Variants in SYT4 observed in about 807,000 individuals in gnomAD.
The protein encoded by SYT4 is synaptotagmin 4.
Under a neutral mutation model 32.9 loss-of-function variants are expected in SYT4, and 7 were observed. The observed-to-expected ratio is 0.21, with a 90% CI of 0.12 to 0.40. The LOEUF (loss-of-function observed/expected upper bound fraction) is 0.40, where lower values mean the gene tolerates loss of function less well. Ranked by LOEUF, SYT4 falls within the 10% of genes least tolerant of loss-of-function variation. The pLI is 1.00. For missense variants in SYT4, 480 were observed against 488.0 expected, an observed-to-expected ratio of 0.98 and a Z score of 0.16; for synonymous variants, 205 against 186.2, an observed-to-expected ratio of 1.10 and a Z score of -0.82.
At chr18:43,274,472 G>T in intron 1 of SYT4, 78 bp from the exon 2 acceptor site, 1 of 1,110,474 alleles carries the variant, frequency 9.0e-7, no homozygotes, top group Non-Finnish European at 1.3e-6. Context: ...GCCTAATAGA[G>T]CTAGCAATTG....
intron 1 of SYT4, among the ~76,000 whole-genome samples, chr18:43,275,882 A>C (rs1007516657): frequency 2.0e-5 from 3 of 146,890 alleles, no homozygotes; most frequent in African/African-American, 4.9e-5. Context: ...CCTTCTATTC[A>C]AGTCTTTGTG....
chr18:43,270,398 C>A lies in SYT4; in HGVS notation c.1221G>T (p.Glu407Asp), dbSNP rs779204383. ...TTTGTCTCCTGGGGTAGTCACAGATCTCTTTCCAGTGCTCTCCACCAGTTC... is the reference window on the plus strand; with the variant it reads ...TTTGTCTCCTGGGGTAGTCACAGATATCTTTCCAGTGCTCTCCACCAGTTC... ...AEGTGGEHWKEICDYPRRQIA... is the reference protein window; with the variant it reads ...AEGTGGEHWKDICDYPRRQIA... The change falls in exon 4 of 4, where the codon GAG becomes GAT. Residue 407 changes from glutamate (E) to aspartate (D), a missense_variant. Physicochemically the swap from Glu to Asp is conservative, Grantham distance 45. Transcript: ENST00000255224. The A allele has an allele frequency of 2.7e-5, 44 of 1,614,016 alleles. No homozygotes were observed. The Admixed American group carries it at 4.3e-4, about 16-fold the overall frequency.
rs915923678 is a variant in SYT4 at position 43,268,750 on chromosome 18, G to T, written c.*1591C>A. 1 of 152,532 alleles carries T rather than the reference G, an allele frequency of 6.6e-6. No individual in the cohort carries two copies. Among genetic ancestry groups the T allele is most frequent in the Non-Finnish European group, 1.5e-5 (1 of 68,018 alleles). 9.4% of individuals were successfully genotyped at this position (152,532 alleles called of 1,614,324 possible). A position where few individuals can be genotyped will look rare whatever the true frequency, so the allele number is the denominator to read the frequency against. The stretch of plus-strand genomic sequence containing the variant: ...CATTTTAAAGCACAAAAAAGAGGTT[G>T]ATTTTTAATCTTTGTACATACAGAA... On this transcript the variant is annotated 3_prime_UTR_variant, in exon 4 of 4. Coordinates refer to ENST00000255224, the MANE Select transcript of SYT4 (RefSeq NM_020783.4).
Position 43,269,772 on chromosome 18 carries a change from A to G in SYT4, c.*569T>C, listed in dbSNP as rs1234479795. ...TGTCCTTTTGAAATGAATCTGAGTT[A>G]CTCTTATGATAAAATTGCATCAAAT... is the stretch of plus-strand genomic sequence containing the variant. On this transcript the variant is annotated 3_prime_UTR_variant, in exon 4 of 4. Transcript: ENST00000255224. 1 of 153,734 alleles carries G rather than the reference A, an allele frequency of 6.5e-6. No homozygotes were observed. Among genetic ancestry groups the G allele is most frequent in the East Asian group, 1.9e-4 (1 of 5,222 alleles). 9.5% of individuals were successfully genotyped at this position (153,734 alleles called of 1,614,324 possible). A position where few individuals can be genotyped will look rare whatever the true frequency, so the allele number is the denominator to read the frequency against.
rs1908503383 is a variant in SYT4, at chr18:43,267,959, AC to A, written c.*2381del. On this transcript the variant is annotated 3_prime_UTR_variant, in exon 4 of 4. Transcript: ENST00000255224. ...CTTACAAACATCATACAGAGCTGGC[AC>A]AAAAGAACAGACACTGTCTCACACA... 1 of 152,232 alleles carries A rather than the reference AC, an allele frequency of 6.6e-6. No individual in the cohort carries two copies. Among genetic ancestry groups the A allele is most frequent in the Non-Finnish European group, 1.5e-5 (1 of 68,044 alleles). 9.4% of individuals were successfully genotyped at this position (152,232 alleles called of 1,614,324 possible).
At chr18:43,274,894 A>T (rs1223753298) in intron 1 of SYT4, among the ~76,000 whole-genome samples, 1 of 152,150 alleles carries the variant, frequency 6.6e-6, no homozygotes, top group Non-Finnish European at 1.5e-5. Flanking sequence ...TTGTGAAATG[A>T]TATTTGCCAT....
rs1908506511 is a variant in SYT4, at chr18:43,268,052, C to T, written c.*2289G>A. On this transcript the variant is annotated 3_prime_UTR_variant, in exon 4 of 4. Transcript: ENST00000255224. ...AGAACAAATCAATTACTGAGTTACA[C>T]AGTTCTTCAAACATGTATACCTCCC... is the stretch of plus-strand genomic sequence containing the variant. 6.6e-6 allele frequency: 1 copy of T among 152,422 alleles called. No individual in the cohort carries two copies. The allele number at this position is 152,422 out of a possible 1,614,324, so 9.4% of individuals were successfully genotyped here. A position where few individuals can be genotyped will look rare whatever the true frequency, so the allele number is the denominator to read the frequency against.
chr18:43,273,869 G>A lies in SYT4; in HGVS notation c.560C>T (p.Ser187Leu), dbSNP rs1234719851. 1.2e-6 allele frequency: 2 copies of A among 1,613,916 alleles called. No individual in the cohort carries two copies. Among genetic ancestry groups the A allele is most frequent in the African/African-American group, 2.7e-5 (2 of 74,906 alleles). Residue 187 changes from serine (S) to leucine (L), a missense_variant, in exon 2 of 4, where the codon TCG becomes TTG. By Grantham distance (145) the Ser-to-Leu change is moderately radical. Transcript: ENST00000255224. ...TTTGATATATGGGTCAGAGGTCATC[G>A]ACTGCTCATCCATGGCTGGCAAGCC... ...ARGLPAMDEQ[S>L]MTSDPYIKMT...
In SYT4 at chr18:43,270,463, C is replaced by T; in HGVS notation, c.1156G>A (p.Glu386Lys). Reference sequence around the variant, plus strand: ...CCCAAGACTAACTGCCCGATTACCTCATTTCGGGACCCCCTTTCAGAATCC... The same window carrying T: ...CCCAAGACTAACTGCCCGATTACCTTATTTCGGGACCCCCTTTCAGAATCC... Reference protein sequence around the residue: ...VLDSERGSRNEVIGQLVLGAA... With the variant: ...VLDSERGSRNKVIGQLVLGAA... Residue 386 changes from glutamate to lysine, a missense_variant, in exon 4 of 4, where the codon GAG (glutamate) becomes AAG (lysine). Transcript: ENST00000255224. 6.2e-7 allele frequency: 1 copy of T among 1,614,114 alleles called. No homozygotes were observed. The highest frequency in any genetic ancestry group is 8.5e-7 in the Non-Finnish European group (1 of 1,179,982).
rs1219191480 is a variant in SYT4 at position 43,273,874 on chromosome 18, C to T, written c.555G>A (p.Glu185=). ...TATATGGGTCAGAGGTCATCGACTGCTCATCCATGGCTGGCAAGCCACGGG... is the reference window on the plus strand; with the variant it reads ...TATATGGGTCAGAGGTCATCGACTGTTCATCCATGGCTGGCAAGCCACGGG... The part of the protein sequence containing the change: ...KEARGLPAMD[E]QSMTSDPYIK... Residue 185 remains glutamate (E), a synonymous_variant, in exon 2 of 4, where the codon GAG becomes GAA. Coordinates refer to ENST00000255224, the MANE Select transcript of SYT4 (RefSeq NM_020783.4). 3.3e-5 allele frequency: 54 copies of T among 1,614,024 alleles called. No homozygotes were observed. Among genetic ancestry groups the T allele is most frequent in the Non-Finnish European group, 4.6e-5 (54 of 1,179,958 alleles).
intron 2 of SYT4, 88 bp downstream of exon 2, chr18:43,273,492 G>A: frequency 1.2e-6 from 1 of 820,490 alleles, no homozygotes; most frequent in Non-Finnish European, 1.9e-6. Context: ...ATATGTACAA[G>A]CTTATCATAT....
chr18:43,272,419 GC>G (rs1908658911), intron 2 of SYT4, among the ~76,000 whole-genome samples: 1 of 152,060 alleles, frequency 6.6e-6, no homozygotes, highest in African/African-American at 2.4e-5. Flanking sequence ...TTCCATTTAA[GC>G]CAAGGAATGA....
chr18:43,277,431 G>C lies in SYT4; in HGVS notation c.-150C>G, dbSNP rs532663576. On this transcript the variant is annotated 5_prime_UTR_variant, in exon 1 of 4. Coordinates refer to ENST00000255224, the MANE Select transcript of SYT4 (RefSeq NM_020783.4). ...TCCTGGAACAGGGAGGAGGCAAAGA[G>C]GGAGGTCCACTCGCCCTCGCACAGT... is the stretch of plus-strand genomic sequence containing the variant. 3 of 827,358 alleles carry C rather than the reference G, an allele frequency of 3.6e-6. No homozygotes were observed. Among genetic ancestry groups the C allele is most frequent in the Admixed American group, 2.4e-5 (1 of 40,882 alleles). The allele number at this position is 827,358 out of a possible 1,614,324, so 51.3% of individuals were successfully genotyped here.
rs1481345796 is a variant in SYT4, at chr18:43,270,021, A to T, written c.*320T>A. 2 of 278,098 alleles carry T rather than the reference A, an allele frequency of 7.2e-6. No individual in the cohort carries two copies. The highest frequency in any genetic ancestry group is 4.3e-5 in the African/African-American group (2 of 46,018). 17.2% of individuals were successfully genotyped at this position (278,098 alleles called of 1,614,324 possible). A position where few individuals can be genotyped will look rare whatever the true frequency, so the allele number is the denominator to read the frequency against. ...ACATTAACTTTTTGTGACATGTTCCAATGAGATTGTCACATTTATAATTTG... is the reference window on the plus strand; with the variant it reads ...ACATTAACTTTTTGTGACATGTTCCTATGAGATTGTCACATTTATAATTTG... On this transcript the variant is annotated 3_prime_UTR_variant, in exon 4 of 4. Transcript: ENST00000255224.
intron 3 of SYT4, among the ~76,000 whole-genome samples, chr18:43,271,134 T>A (rs921114387): frequency 3.3e-5 from 5 of 152,206 alleles, no homozygotes; most frequent in East Asian, 3.9e-4. Flanking sequence ...CTTTTATGAA[T>A]TTCTTTAGTC....
intron 1 of SYT4, among the ~76,000 whole-genome samples, chr18:43,275,307 C>A (rs1330473613): frequency 6.6e-6 from 1 of 152,070 alleles, no homozygotes; most frequent in Admixed American, 6.6e-5. Context: ...TAGGTAATAT[C>A]AATTATGCAT....
intron 1 of SYT4, 77 bp downstream of exon 1, chr18:43,277,170 CA>C: frequency 6.4e-7 from 1 of 1,573,306 alleles, no homozygotes; most frequent in African/African-American, 1.4e-5. Flanking sequence ...AACAACCGGG[CA>C]AAAAATAAAT....
rs1908508904 is a variant in SYT4, at chr18:43,268,105, G to A, written c.*2236C>T. 1 of 152,526 alleles carries A rather than the reference G, an allele frequency of 6.6e-6. No homozygotes were observed. Among genetic ancestry groups the A allele is most frequent in the Admixed American group, 6.5e-5 (1 of 15,268 alleles). 9.4% of individuals were successfully genotyped at this position (152,526 alleles called of 1,614,324 possible). On this transcript the variant is annotated 3_prime_UTR_variant, in exon 4 of 4. Coordinates refer to ENST00000255224, the MANE Select transcript of SYT4 (RefSeq NM_020783.4). ...TTTGGGTGGTGAGATTGGCTAATCA[G>A]ACAAACAATTAATTTACATGTTTAA...
intron 3 of SYT4, among the ~76,000 whole-genome samples, chr18:43,271,267 G>A (rs1908621299): frequency 6.6e-6 from 1 of 151,978 alleles, no homozygotes; most frequent in African/African-American, 2.4e-5. Flanking sequence ...GGCACCATAT[G>A]AGTTAATTTT....
Sources: allele counts gnomAD v4.1 joint callset (sites outside exome capture counted in the v4.1 genomes callset), GRCh38; gene constraint gnomAD v4.1.1; transcripts MANE v1.5; gene names NCBI Gene and HGNC (gene_info 2026-07-23, HGNC 2026-07-21).